The following PEPD variants were observed in gnomAD, a reference collection of about 807,000 sequenced individuals.
The protein encoded by PEPD is peptidase D, also known as xaa-Pro dipeptidase.
Under a neutral mutation model 60.7 loss-of-function variants are expected in PEPD, and 53 were observed. The ratio of observed to expected loss-of-function variants is 0.87; its 90% CI spans 0.70 to 1.10. The LOEUF (loss-of-function observed/expected upper bound fraction) is 1.10. PEPD is among the 50% of genes least tolerant of loss of function. The probability of loss-of-function intolerance (pLI) is 0.00; values close to 1 mark genes in which losing one functional copy is unlikely to be tolerated. For synonymous variants in PEPD, 267 were observed against 284.1 expected (o/e 0.94, Z 0.60); for missense variants, 711 against 711.9 (o/e 1.00, Z 0.01).
chr19:33,444,768 C>T (rs1969560756), intron 9 of PEPD, among the ~76,000 whole-genome samples: 1 of 151,966 alleles, frequency 6.6e-6, no homozygotes, highest in South Asian at 2.1e-4. Context: ...GGAGACCTGG[C>T]TGTGTGGCCC....
At chr19:33,469,534 C>A (rs532419082) in intron 7 of PEPD, among the ~76,000 whole-genome samples, 2 of 152,100 alleles carry the variant, frequency 1.3e-5, no homozygotes, top group African/African-American at 4.8e-5. Flanking sequence ...CTCACCTCTC[C>A]TCCTCCAAAC....
At chr19:33,430,375 G>A (rs1969242905) in intron 9 of PEPD, among the ~76,000 whole-genome samples, 1 of 152,114 alleles carries the variant, frequency 6.6e-6, no homozygotes, top group Non-Finnish European at 1.5e-5. Flanking sequence ...TTCACACTGG[G>A]AACCACCTGG....
chr19:33,411,537 G>T (rs1424874291), intron 11 of PEPD, 135 bp downstream of exon 11: 1 of 697,762 alleles, frequency 1.4e-6, no homozygotes, highest in Non-Finnish European at 2.6e-6. Flanking sequence ...AGAAGTCTGG[G>T]CCAAGAAGCC....
intron 6 of PEPD, among the ~76,000 whole-genome samples, chr19:33,486,083 T>C (rs532533295): frequency 6.6e-6 from 1 of 152,086 alleles, no homozygotes; most frequent in Non-Finnish European, 1.5e-5. Context: ...CAGGAAAACC[T>C]GCCCTAACGT....
At chr19:33,422,627 C>CT (rs1555756325) in intron 9 of PEPD, among the ~76,000 whole-genome samples, 6 of 150,122 alleles carry the variant, frequency 4.0e-5, no homozygotes, top group Non-Finnish European at 5.9e-5. Flanking sequence ...ATCCCTCTAT[C>CT]ATCTATCTAC....
rs573775370 is a variant in PEPD at position 33,484,668 on chromosome 19, CA to C, written c.503+5327del. 2.8e-3 allele frequency among the ~76,000 whole-genome samples: 423 copies of C among 152,208 alleles called. 4 individuals carry two copies. The highest frequency in any genetic ancestry group is 9.0e-4 in the Non-Finnish European group (61 of 68,020). ...ACACATATACACACACATACTCAGA[CA>C]GGCAAATACTTAAGACACACAAAAA... On this transcript the variant is annotated intron_variant, in intron 6 of 14. Coordinates refer to ENST00000244137, the MANE Select transcript of PEPD (RefSeq NM_000285.4).
At chr19:33,473,460 C>T (rs1054037751) in intron 7 of PEPD, among the ~76,000 whole-genome samples, 4 of 152,146 alleles carry the variant, frequency 2.6e-5, no homozygotes, top group South Asian at 2.1e-4. Context: ...TGTTACCCAC[C>T]GCCTGATTAA....
chr19:33,436,723 G>T (rs984494663), intron 9 of PEPD, among the ~76,000 whole-genome samples: 3 of 152,224 alleles, frequency 2.0e-5, no homozygotes, highest in African/African-American at 7.2e-5. Context: ...AGCGCTCTGG[G>T]GTCACTGGCC....
At chr19:33,403,852 G>A (rs982567830) in intron 11 of PEPD, among the ~76,000 whole-genome samples, 9 of 152,314 alleles carry the variant, frequency 5.9e-5, no homozygotes, top group African/African-American at 1.9e-4. Context: ...GAGGAGCCCC[G>A]CCTGCATGAC....
At chr19:33,501,704 T>G (rs1357934803) in intron 3 of PEPD, among the ~76,000 whole-genome samples, 4 of 151,710 alleles carry the variant, frequency 2.6e-5, no homozygotes, top group African/African-American at 9.7e-5. Context: ...ATTATTACTA[T>G]TTTATTTTAT....
At chr19:33,391,580 G>C (rs911554939) in intron 12 of PEPD, 101 bp from the exon 13 acceptor site, 1 of 1,106,090 alleles carries the variant, frequency 9.0e-7, no homozygotes, top group African/African-American at 1.5e-5. Flanking sequence ...GCTGTGGTGG[G>C]AGGGCCTGAG....
At chr19:33,475,544 T>A (rs192111406) in intron 7 of PEPD, among the ~76,000 whole-genome samples, 1 of 152,282 alleles carries the variant, frequency 6.6e-6, no homozygotes, top group African/African-American at 2.4e-5. Flanking sequence ...TTGGGAGGTA[T>A]GCTTAGGAAC....
At chr19:33,461,191 T>C (rs1969919624) in intron 9 of PEPD, among the ~76,000 whole-genome samples, 1 of 152,212 alleles carries the variant, frequency 6.6e-6, no homozygotes, top group Admixed American at 6.5e-5. Flanking sequence ...TATGACACGA[T>C]GTCTAGGATT....
chr19:33,510,332 A>G (rs1054246882), intron 3 of PEPD, among the ~76,000 whole-genome samples: 2 of 151,688 alleles, frequency 1.3e-5, no homozygotes, highest in African/African-American at 2.4e-5. Flanking sequence ...GACAGAAGGA[A>G]GAAGCTCCTC....
At chr19:33,400,102 C>T (rs1370017620) in intron 12 of PEPD, among the ~76,000 whole-genome samples, 1 of 152,200 alleles carries the variant, frequency 6.6e-6, no homozygotes, top group East Asian at 1.9e-4. Context: ...CGCCTGAGCT[C>T]CCCTACACAG....
At chr19:33,403,268 A>G (rs920664120) in intron 11 of PEPD, among the ~76,000 whole-genome samples, 2 of 152,216 alleles carry the variant, frequency 1.3e-5, no homozygotes, top group African/African-American at 4.8e-5. Context: ...CACGACACTG[A>G]TGGTGATGAC....
At chr19:33,407,102 C>T (rs1266231610) in intron 11 of PEPD, among the ~76,000 whole-genome samples, 2 of 152,196 alleles carry the variant, frequency 1.3e-5, no homozygotes, top group Non-Finnish European at 2.9e-5. Context: ...TCCTGGGACA[C>T]GTGCTCTAGA....
intron 9 of PEPD, among the ~76,000 whole-genome samples, chr19:33,458,992 T>C (rs948663780): frequency 6.6e-6 from 1 of 151,832 alleles, no homozygotes; most frequent in Non-Finnish European, 1.5e-5. Context: ...TTGCTCCATG[T>C]GGCCAAAGAG....
chr19:33,518,024 G>A (rs1971056359), intron 1 of PEPD, among the ~76,000 whole-genome samples: 1 of 151,826 alleles, frequency 6.6e-6, no homozygotes, highest in Non-Finnish European at 1.5e-5. Context: ...CCCAGTAGGA[G>A]AGGCCAGCCA....
Sources: gnomAD v4.1 joint callset for allele counts (sites outside exome capture counted in the v4.1 genomes callset) on GRCh38, gnomAD v4.1.1 for gene constraint, MANE v1.5 for transcripts, NCBI Gene and HGNC (gene_info 2026-07-23, HGNC 2026-07-21) for gene names.